CNOT6: variants seen among roughly 807,000 people sequenced by gnomAD.
The protein encoded by CNOT6 is carbon catabolite repression 4 protein.
Under a neutral mutation model 61.2 loss-of-function variants are expected in CNOT6, and 12 were observed. The observed-to-expected ratio is 0.20, with a 90% CI of 0.13 to 0.32. CNOT6 has a LOEUF of 0.32. Ranked by LOEUF, CNOT6 falls within the 10% of genes least tolerant of loss-of-function variation. CNOT6 has a pLI of 1.00. For missense variants in CNOT6, 405 were observed against 663.9 expected (o/e 0.61, Z 4.28); for synonymous variants, 225 against 240.6 (o/e 0.94, Z 0.60).
In CNOT6 at chr5:180,551,467, G is replaced by A. The variant is rs569804248; in HGVS notation, c.299+1350G>A. On this transcript the variant is annotated intron_variant, in intron 3 of 11. Coordinates refer to ENST00000261951, the MANE Select transcript of CNOT6 (RefSeq NM_001370472.1). ...TGCCCAGGCAGGTCTTAAACTCCTA[G>A]CCTCAAAAGATCCTCCCATCTTGGC... Among the ~76,000 whole-genome samples the A allele has an allele frequency of 8.5e-5, 13 of 152,276 alleles. No individual in the cohort carries two copies. The South Asian group carries it at 2.7e-3, about 32-fold the overall frequency.
At chr5:180,566,458 G>A (rs1175903660) in intron 7 of CNOT6, among the ~76,000 whole-genome samples, 2 of 151,972 alleles carry the variant, frequency 1.3e-5, no homozygotes, top group Non-Finnish European at 1.5e-5. Context: ...TGTAAAGTTC[G>A]TCGACCTCTG....
intron 3 of CNOT6, among the ~76,000 whole-genome samples, chr5:180,550,334 C>T (rs1339738539): frequency 6.6e-6 from 1 of 151,928 alleles, no homozygotes; most frequent in Non-Finnish European, 1.5e-5. Context: ...ACCTGTAGTC[C>T]CAGCTACTCG....
intron 1 of CNOT6, among the ~76,000 whole-genome samples, chr5:180,527,717 T>C (rs1170605776): frequency 6.6e-6 from 1 of 152,186 alleles, no homozygotes; most frequent in Non-Finnish European, 1.5e-5. Context: ...GTCCTAACGA[T>C]GAGACTGATC....
chr5:180,537,806 T>C (rs75838791), intron 2 of CNOT6, among the ~76,000 whole-genome samples: 41 of 96,498 alleles, frequency 4.2e-4, no homozygotes, highest in Non-Finnish European at 8.4e-4. Flanking sequence ...TTCTCTCTCT[T>C]TTTTTTTTTT....
At chr5:180,540,069 T>C (rs960926836) in intron 2 of CNOT6, among the ~76,000 whole-genome samples, 11 of 152,158 alleles carry the variant, frequency 7.2e-5, no homozygotes, top group Non-Finnish European at 1.6e-4. Flanking sequence ...CTTCATCTTT[T>C]TTATTCCTAT....
At chr5:180,509,199 T>C (rs1457468174) in intron 1 of CNOT6, among the ~76,000 whole-genome samples, 2 of 151,814 alleles carry the variant, frequency 1.3e-5, no homozygotes, top group African/African-American at 2.4e-5. Flanking sequence ...TGGTGCGATC[T>C]TGGCTCACTG....
intron 2 of CNOT6, among the ~76,000 whole-genome samples, chr5:180,531,638 G>A (rs1758385402): frequency 6.6e-6 from 1 of 152,236 alleles, no homozygotes; most frequent in Admixed American, 6.5e-5. Context: ...GCAGGCGGCT[G>A]GGAGGTGGAG....
intron 4 of CNOT6, among the ~76,000 whole-genome samples, chr5:180,556,296 G>C (rs1207061361): frequency 6.6e-6 from 1 of 152,128 alleles, no homozygotes; most frequent in African/African-American, 2.4e-5. Flanking sequence ...GAGAGGTGTT[G>C]GTCAGAGGGT....
At chr5:180,522,879 C>G (rs1757940583) in intron 1 of CNOT6, among the ~76,000 whole-genome samples, 1 of 152,184 alleles carries the variant, frequency 6.6e-6, no homozygotes, top group African/African-American at 2.4e-5. Context: ...TTACCATATC[C>G]TTATAACGAA....
In CNOT6 at chr5:180,541,441, A is replaced by ATTTTTTTT. The variant is rs1163850404; in HGVS notation, c.113-8469_113-8462dup. 3.3e-4 allele frequency among the ~76,000 whole-genome samples: 35 copies of ATTTTTTTT among 106,574 alleles called. 3 individuals carry two copies. Among genetic ancestry groups the ATTTTTTTT allele is most frequent in the African/African-American group, 1.2e-3 (29 of 24,586 alleles). 69.9% of individuals were successfully genotyped at this position (106,574 alleles called of 152,430 possible). A position where few individuals can be genotyped will look rare whatever the true frequency, so the allele number is the denominator to read the frequency against. Reference sequence around the variant, plus strand: ...ATGAACCACCACAACTGGCCAAGAAATTTTTTTTTTTTTTTTTTTTTTTTT... The same window carrying ATTTTTTTT: ...ATGAACCACCACAACTGGCCAAGAAATTTTTTTTTTTTTTTTTTTTTTTTTTTTTTTTT... On this transcript the variant is annotated intron_variant, in intron 2 of 11. Transcript: ENST00000261951.
intron 2 of CNOT6, among the ~76,000 whole-genome samples, chr5:180,532,273 A>C (rs1015416252): frequency 6.6e-6 from 1 of 152,090 alleles, no homozygotes; most frequent in African/African-American, 2.4e-5. Flanking sequence ...CAGTTTTTGC[A>C]TTACAATTCC....
At chr5:180,561,292 T>G (rs1760169395) in intron 4 of CNOT6, among the ~76,000 whole-genome samples, 1 of 152,076 alleles carries the variant, frequency 6.6e-6, no homozygotes, top group Non-Finnish European at 1.5e-5. Context: ...TCCCATTTGG[T>G]TTTAAATGTT....
At chr5:180,517,155 T>A (rs1757673127) in intron 1 of CNOT6, among the ~76,000 whole-genome samples, 1 of 152,232 alleles carries the variant, frequency 6.6e-6, no homozygotes, top group South Asian at 2.1e-4. Context: ...TTTTTGTTTT[T>A]TCTAAGGGTT....
intron 1 of CNOT6, among the ~76,000 whole-genome samples, chr5:180,522,031 T>G (rs1258412091): frequency 6.6e-6 from 1 of 152,196 alleles, no homozygotes; most frequent in Non-Finnish European, 1.5e-5. Flanking sequence ...GTAGAAAGAT[T>G]TATTTTTCTT....
chr5:180,519,458 C>G (rs924072657), intron 1 of CNOT6, among the ~76,000 whole-genome samples: 2 of 152,144 alleles, frequency 1.3e-5, no homozygotes, highest in Non-Finnish European at 2.9e-5. Context: ...TGTATGTTTC[C>G]TTAGTAATTG....
Position 180,577,440 on chromosome 5 carries a change from A to G in CNOT6, c.*3240A>G, listed in dbSNP as rs1240199766. On this transcript the variant is annotated 3_prime_UTR_variant, in exon 12 of 12. Transcript: ENST00000261951. Reference sequence around the variant, plus strand: ...GGTTTTGGGGTCATATATAAGGACTAAAGCCAAGCTAGGCAAAACAATGAC... The same window carrying G: ...GGTTTTGGGGTCATATATAAGGACTGAAGCCAAGCTAGGCAAAACAATGAC... 1.3e-5 allele frequency: 2 copies of G among 152,654 alleles called. No individual in the cohort carries two copies. Among genetic ancestry groups the G allele is most frequent in the South Asian group, 2.1e-4 (1 of 4,836 alleles). The allele number at this position is 152,654 out of a possible 1,614,324, so 9.5% of individuals were successfully genotyped here.
intron 1 of CNOT6, among the ~76,000 whole-genome samples, chr5:180,528,289 T>A (rs1482124439): frequency 6.6e-6 from 1 of 152,138 alleles, no homozygotes; most frequent in African/African-American, 2.4e-5. Context: ...GCAGGATAAA[T>A]GTTTGATTCT....
chr5:180,547,477 G>C (rs950467407), intron 2 of CNOT6, among the ~76,000 whole-genome samples: 1 of 151,880 alleles, frequency 6.6e-6, no homozygotes, highest in Non-Finnish European at 1.5e-5. Flanking sequence ...CTGAGATCGC[G>C]CCACTGCATT....
In CNOT6 at chr5:180,528,428, A is replaced by T. The variant is rs1044436568; in HGVS notation, c.-2-847A>T. Among the ~76,000 whole-genome samples the T allele has an allele frequency of 5.9e-5, 9 of 152,002 alleles. No homozygotes were observed. The East Asian group carries it at 1.7e-3, about 29-fold the overall frequency. ...CGGGTTCACGCCATTCTCCTGCCTC[A>T]GCCTTCCGAGTAACTGGGACTACAG... On this transcript the variant is annotated intron_variant, in intron 1 of 11. Transcript: ENST00000261951.
Sources: allele counts gnomAD v4.1 joint callset (sites outside exome capture counted in the v4.1 genomes callset), GRCh38; gene constraint gnomAD v4.1.1; transcripts MANE v1.5; gene names NCBI Gene and HGNC (gene_info 2026-07-23, HGNC 2026-07-21).